Variants in BAZ2B observed in about 807,000 individuals in gnomAD.
BAZ2B encodes bromodomain adjacent to zinc finger domain protein 2B.
A neutral mutation model predicts 246.0 loss-of-function variants in BAZ2B; 91 were observed. The ratio of observed to expected loss-of-function variants is 0.37; its 90% CI spans 0.31 to 0.44. The LOEUF (loss-of-function observed/expected upper bound fraction) is 0.44. BAZ2B is among the 20% of genes least tolerant of loss of function. The pLI, the probability that BAZ2B is intolerant of heterozygous loss-of-function variation, is 1.00. For synonymous variants in BAZ2B, 855 were observed against 860.0 expected (o/e 0.99, Z 0.10); for missense variants, 2,332 against 2,533.7 (o/e 0.92, Z 1.71).
intron 33 of BAZ2B, among the ~76,000 whole-genome samples, chr2:159,334,364 G>GT (rs2065266444): frequency 6.6e-6 from 1 of 152,138 alleles, no homozygotes; most frequent in Non-Finnish European, 1.5e-5. Context: ...GCTGCCTACT[G>GT]TTTAACAATA....
intron 14 of BAZ2B, among the ~76,000 whole-genome samples, chr2:159,409,696 G>T (rs757218782): frequency 1.3e-5 from 2 of 152,104 alleles, no homozygotes; most frequent in Non-Finnish European, 2.9e-5. Flanking sequence ...AATGAAAAAG[G>T]TGATAAACTG....
chr2:159,376,982 A>G (rs2061474098), intron 25 of BAZ2B, among the ~76,000 whole-genome samples: 1 of 152,202 alleles, frequency 6.6e-6, no homozygotes, highest in Non-Finnish European at 1.5e-5. Context: ...GTCAGAGTTT[A>G]ATTGTCCACA....
chr2:159,485,814 C>A (rs1234224338), intron 2 of BAZ2B, among the ~76,000 whole-genome samples: 1 of 152,034 alleles, frequency 6.6e-6, no homozygotes, highest in African/African-American at 2.4e-5. Flanking sequence ...TTGATTCTAT[C>A]TCCAAATGTG....
chr2:159,478,535 A>G (rs1171882870), intron 3 of BAZ2B, 40 bp downstream of exon 3: 1 of 1,561,766 alleles, frequency 6.4e-7, no homozygotes, highest in Non-Finnish European at 8.7e-7. Flanking sequence ...AATTATTAAA[A>G]GAATGGCATT....
At chr2:159,589,842 T>C (rs1441412654) in intron 1 of BAZ2B, among the ~76,000 whole-genome samples, 2 of 152,066 alleles carry the variant, frequency 1.3e-5, no homozygotes, top group Non-Finnish European at 2.9e-5. Flanking sequence ...GAGTCTAAAA[T>C]AATGTAGTCT....
chr2:159,381,628 C>T (rs2062005278), intron 25 of BAZ2B, among the ~76,000 whole-genome samples: 1 of 152,180 alleles, frequency 6.6e-6, no homozygotes. Flanking sequence ...CTGATCTCTG[C>T]ACTTCTGATG....
At chr2:159,692,662 G>A in the BAZ2B span, among the ~76,000 whole-genome samples, 2 of 151,906 alleles carry the variant, frequency 1.3e-5, no homozygotes, top group Admixed American at 6.6e-5. Context: ...ATCAGTCTGG[G>A]CAACATAGTG....
In BAZ2B at chr2:159,485,443, G is replaced by C. The variant is rs2079708909; in HGVS notation, c.-2-6722C>G. ...TTCAAAGAATTAAGTATGGTATACAGTGGTTTAAAATGTGAATATGTAAAA... is the reference window on the plus strand; with the variant it reads ...TTCAAAGAATTAAGTATGGTATACACTGGTTTAAAATGTGAATATGTAAAA... On this transcript the variant is annotated intron_variant, in intron 2 of 36. Transcript: ENST00000392783. Among the ~76,000 whole-genome samples, 4 of 152,202 alleles carry C rather than the reference G, an allele frequency of 2.6e-5. No homozygotes were observed. The South Asian group carries it at 8.3e-4, about 32-fold the overall frequency.
intron 27 of BAZ2B, 45 bp downstream of exon 27, chr2:159,372,996 AATAT>A: frequency 6.5e-7 from 1 of 1,535,224 alleles, no homozygotes. Context: ...AGAGTTTTAA[AATAT>A]ATAGTTTCTT....
intron 1 of BAZ2B, among the ~76,000 whole-genome samples, chr2:159,588,021 G>A (rs79320474): frequency 0.018 from 2,796 of 151,844 alleles, 51 homozygotes; most frequent in East Asian, 0.085. Context: ...GTTGAGACCC[G>A]GTCTCTACTA....
intron 2 of BAZ2B, among the ~76,000 whole-genome samples, chr2:159,501,967 T>C (rs1279890830): frequency 6.6e-6 from 1 of 152,146 alleles, no homozygotes; most frequent in African/African-American, 2.4e-5. Context: ...GGTATATCCA[T>C]ACAATGAAAT....
At chr2:159,386,673 A>T (rs918350) in intron 21 of BAZ2B, 66 bp from the exon 22 acceptor site, 1,239,452 of 1,449,412 alleles carry the variant, frequency 0.86, 538,089 homozygotes, top group Non-Finnish European at 0.9. Context: ...ATGATTTCGT[A>T]TCTTCTAAAG....
the BAZ2B span, among the ~76,000 whole-genome samples, chr2:159,692,045 A>G: frequency 6.6e-6 from 1 of 152,224 alleles, no homozygotes; most frequent in African/African-American, 2.4e-5. Flanking sequence ...AAGTTTTGAC[A>G]AACTTTAACT....
intron 6 of BAZ2B, among the ~76,000 whole-genome samples, chr2:159,439,475 G>A (rs2072988443): frequency 6.6e-6 from 1 of 152,108 alleles, no homozygotes; most frequent in Non-Finnish European, 1.5e-5. Context: ...GTACTCATAT[G>A]ACTGTTATTC....
intron 2 of BAZ2B, among the ~76,000 whole-genome samples, chr2:159,509,461 C>A (rs940400075): frequency 6.6e-6 from 1 of 152,150 alleles, no homozygotes; most frequent in Non-Finnish European, 1.5e-5. Flanking sequence ...TTTACACATA[C>A]ATATGTTTTC....
At chr2:159,588,231 A>C (rs1184675466) in intron 1 of BAZ2B, among the ~76,000 whole-genome samples, 2 of 151,328 alleles carry the variant, frequency 1.3e-5, no homozygotes, top group Admixed American at 6.6e-5. Context: ...AAAAAAAAAA[A>C]ACCCCTGCTT....
intron 4 of BAZ2B, among the ~76,000 whole-genome samples, chr2:159,450,081 A>C (rs1045343013): frequency 6.6e-6 from 1 of 152,222 alleles, no homozygotes; most frequent in African/African-American, 2.4e-5. Context: ...AGAGTCTGTA[A>C]TTAAAGTGGA....
chr2:159,565,952 T>C (rs1354926948), intron 1 of BAZ2B, among the ~76,000 whole-genome samples: 1 of 152,124 alleles, frequency 6.6e-6, no homozygotes, highest in Non-Finnish European at 1.5e-5. Flanking sequence ...TAGAAAATCA[T>C]TTAGAAACAA....
chr2:159,613,323 T>C (rs950756715), intron 1 of BAZ2B, among the ~76,000 whole-genome samples: 4 of 152,082 alleles, frequency 2.6e-5, no homozygotes, highest in Admixed American at 2.6e-4. Context: ...TAGTTTAACA[T>C]GTGAGAACAG....
Sources: gnomAD v4.1 joint callset for allele counts (sites outside exome capture counted in the v4.1 genomes callset) on GRCh38, gnomAD v4.1.1 for gene constraint, MANE v1.5 for transcripts, NCBI Gene and HGNC (gene_info 2026-07-23, HGNC 2026-07-21) for gene names.